The following ITPK1 variants were observed in gnomAD, a reference collection of about 807,000 sequenced individuals.
The protein encoded by ITPK1 is inositol-tetrakisphosphate 1-kinase, also known as inositol 1,3,4-trisphosphate 5/6-kinase.
ITPK1 carries 21 observed loss-of-function variants against 45.3 expected under a neutral mutation model. The observed-to-expected ratio is 0.46, with a 90% CI of 0.33 to 0.67. The LOEUF (loss-of-function observed/expected upper bound fraction) is 0.67, where lower values mean the gene tolerates loss of function less well. ITPK1 is among the 30% of genes least tolerant of loss of function. The pLI is 0.02. For missense variants in ITPK1, 474 were observed against 573.5 expected (o/e 0.83, Z 1.77); for synonymous variants, 258 against 253.6 (o/e 1.02, Z -0.16).
chr14:93,013,821 A>G (rs1232157166), intron 4 of ITPK1, among the ~76,000 whole-genome samples: 1 of 152,236 alleles, frequency 6.6e-6, no homozygotes, highest in African/African-American at 2.4e-5. Flanking sequence ...GACTGAGGTC[A>G]AGTGTCCGCC....
At chr14:92,986,450 A>T (rs1886487434) in intron 5 of ITPK1, among the ~76,000 whole-genome samples, 1 of 152,186 alleles carries the variant, frequency 6.6e-6, no homozygotes, top group Non-Finnish European at 1.5e-5. Context: ...AAAGACAAAC[A>T]GTCTGTTCAC....
At chr14:93,031,024 C>T (rs1889023901) in intron 3 of ITPK1, among the ~76,000 whole-genome samples, 1 of 152,214 alleles carries the variant, frequency 6.6e-6, no homozygotes, top group Admixed American at 6.5e-5. Context: ...GCCCCGCTGC[C>T]TCGGAAGGAG....
intron 8 of ITPK1, among the ~76,000 whole-genome samples, chr14:92,955,789 G>A (rs1397204850): frequency 1.3e-5 from 2 of 152,194 alleles, no homozygotes; most frequent in Admixed American, 6.5e-5. Context: ...CCATCCCTGC[G>A]TGGCCACGGG....
At chr14:92,973,627 C>T (rs1885774946) in intron 5 of ITPK1, among the ~76,000 whole-genome samples, 1 of 152,216 alleles carries the variant, frequency 6.6e-6, no homozygotes, top group Admixed American at 6.5e-5. Flanking sequence ...TCCGGGTGAA[C>T]CAAGTTCCAG....
At chr14:93,056,333 A>T (rs1253119338) in intron 3 of ITPK1, among the ~76,000 whole-genome samples, 3 of 152,198 alleles carry the variant, frequency 2.0e-5, no homozygotes, top group African/African-American at 7.2e-5. Context: ...GCAGTGTGGC[A>T]TGTGAGGGCT....
chr14:93,016,140 G>A lies in ITPK1; in HGVS notation c.246+536C>T, dbSNP rs79860451. ...CAGGTCACTGTGCGATCAGGACCTG[G>A]GAGGCCGCTGGGGAAGTGGTGTGGG... On this transcript the variant is annotated intron_variant, in intron 4 of 10. Coordinates refer to ENST00000267615, the MANE Select transcript of ITPK1 (RefSeq NM_014216.6). The surrounding 1 kb of genome is among the most constrained non-coding windows in gnomAD (Gnocchi z 5.0). 0.018 allele frequency among the ~76,000 whole-genome samples: 2,785 copies of A among 152,288 alleles called. 67 individuals are homozygous for A. Among genetic ancestry groups the A allele is most frequent in the Admixed American group, 0.076 (1,163 of 15,308 alleles).
chr14:93,024,438 G>A (rs534824169), intron 3 of ITPK1, among the ~76,000 whole-genome samples: 5 of 152,280 alleles, frequency 3.3e-5, no homozygotes, highest in African/African-American at 9.6e-5. Flanking sequence ...TCCTATAGTC[G>A]CGATGAGCAC....
intron 5 of ITPK1, among the ~76,000 whole-genome samples, chr14:92,976,120 T>C (rs771085938): frequency 2.0e-5 from 3 of 152,228 alleles, no homozygotes; most frequent in Non-Finnish European, 2.9e-5. Context: ...AATGACACAG[T>C]CTTGGGTATG....
At chr14:93,056,921 T>C (rs1053279807) in intron 3 of ITPK1, among the ~76,000 whole-genome samples, 14 of 152,206 alleles carry the variant, frequency 9.2e-5, no homozygotes, top group Non-Finnish European at 1.3e-4. Context: ...TTTTCAAGCA[T>C]GATGTTTCAA....
Position 92,940,615 on chromosome 14 carries a change from T to C in ITPK1, c.*946A>G. Reference sequence around the variant, plus strand: ...TGTCATGCCGAGGCTCCCGCGCCTATCCTCACCTAGGTGACTTTATGGAAA... The same window carrying C: ...TGTCATGCCGAGGCTCCCGCGCCTACCCTCACCTAGGTGACTTTATGGAAA... On this transcript the variant is annotated 3_prime_UTR_variant, in exon 11 of 11. Transcript: ENST00000267615. The C allele has an allele frequency of 8.2e-7, 1 of 1,216,272 alleles. No homozygotes were observed. 75.3% of individuals were successfully genotyped at this position (1,216,272 alleles called of 1,614,324 possible). A position where few individuals can be genotyped will look rare whatever the true frequency, so the allele number is the denominator to read the frequency against.
At chr14:92,980,778 C>G (rs917398856) in intron 5 of ITPK1, among the ~76,000 whole-genome samples, 4 of 152,150 alleles carry the variant, frequency 2.6e-5, no homozygotes, top group African/African-American at 9.7e-5. Flanking sequence ...CAGGTTCAAG[C>G]AATTCTCCTG....
chr14:93,077,611 T>C (rs2139985628), intron 2 of ITPK1, among the ~76,000 whole-genome samples: 1 of 152,258 alleles, frequency 6.6e-6, no homozygotes, highest in Non-Finnish European at 1.5e-5. Flanking sequence ...AGCCACCACG[T>C]CCAGCCTCCC....
At chr14:92,964,007 G>C (rs572529108) in intron 5 of ITPK1, among the ~76,000 whole-genome samples, 2 of 152,306 alleles carry the variant, frequency 1.3e-5, no homozygotes, top group East Asian at 3.9e-4. Context: ...TGGCTGGCTA[G>C]GAGGTCAGGA....
rs995960649 is a variant in ITPK1 at position 92,939,951 on chromosome 14, C to T, written c.*1610G>A. On this transcript the variant is annotated 3_prime_UTR_variant, in exon 11 of 11. Coordinates refer to ENST00000267615, the MANE Select transcript of ITPK1 (RefSeq NM_014216.6). Reference sequence around the variant, plus strand: ...TGTTCCCCAGGGCTCAGGGTCAGAACTAGGAAAGGTGACGTACAGACATTA... The same window carrying T: ...TGTTCCCCAGGGCTCAGGGTCAGAATTAGGAAAGGTGACGTACAGACATTA... 5.3e-5 allele frequency: 52 copies of T among 985,768 alleles called. No individual in the cohort carries two copies. The highest frequency in any genetic ancestry group is 5.2e-4 in the Middle Eastern group (1 of 1,936). The allele number at this position is 985,768 out of a possible 1,614,324, so 61.1% of individuals were successfully genotyped here.
chr14:92,973,478 C>T (rs571750813), intron 5 of ITPK1, among the ~76,000 whole-genome samples: 14 of 152,344 alleles, frequency 9.2e-5, no homozygotes, highest in South Asian at 8.3e-4. Context: ...AGAGCCTGGC[C>T]GGCCCATCTG....
At chr14:93,074,029 C>G (rs1195898975) in intron 3 of ITPK1, among the ~76,000 whole-genome samples, 1 of 152,228 alleles carries the variant, frequency 6.6e-6, no homozygotes, top group Non-Finnish European at 1.5e-5. Flanking sequence ...GCCTGGAGAT[C>G]CTGCGCACAG....
chr14:93,081,326 G>T (rs1026911584), intron 2 of ITPK1, among the ~76,000 whole-genome samples: 17 of 141,684 alleles, frequency 1.2e-4, no homozygotes, highest in Admixed American at 6.0e-4. Flanking sequence ...AGAGCGAGAT[G>T]CCGTCTCAAA....
intron 4 of ITPK1, among the ~76,000 whole-genome samples, chr14:92,994,793 C>G (rs1886966614): frequency 1.3e-5 from 2 of 152,226 alleles, no homozygotes; most frequent in Admixed American, 1.3e-4. Flanking sequence ...AGGCCTCAAC[C>G]AGCTGCTGCG....
At chr14:93,108,200 G>C (rs371103805) in intron 2 of ITPK1, among the ~76,000 whole-genome samples, 1 of 152,270 alleles carries the variant, frequency 6.6e-6, no homozygotes, top group East Asian at 1.9e-4. Flanking sequence ...AGGTGTTTAA[G>C]ACAGTGACTT....
Sources: allele counts gnomAD v4.1 joint callset (sites outside exome capture counted in the v4.1 genomes callset), GRCh38; gene constraint gnomAD v4.1.1; non-coding constraint Gnocchi (gnomAD v3.1); transcripts MANE v1.5; gene names NCBI Gene and HGNC (gene_info 2026-07-23, HGNC 2026-07-21).